UGGT2: variants seen among roughly 807,000 people sequenced by gnomAD.
UGGT2 encodes UDP-glucose glycoprotein glucosyltransferase 2.
Under a neutral mutation model 192.1 loss-of-function variants are expected in UGGT2, and 180 were observed. That is an observed-to-expected ratio of 0.94 (90% CI 0.83 to 1.06). The LOEUF (loss-of-function observed/expected upper bound fraction) is 1.06. Ranked by LOEUF, UGGT2 falls within the 50% of genes least tolerant of loss-of-function variation. The probability of loss-of-function intolerance (pLI) is 0.00; values close to 1 mark genes in which losing one functional copy is unlikely to be tolerated. For synonymous variants in UGGT2, 580 were observed against 591.0 expected (o/e 0.98, Z 0.27); for missense variants, 1,849 against 1,795.7 (o/e 1.03, Z -0.54).
At chr13:96,009,191 C>T (rs969668420) in intron 5 of UGGT2, among the ~76,000 whole-genome samples, 6 of 152,096 alleles carry the variant, frequency 3.9e-5, no homozygotes, top group Non-Finnish European at 7.4e-5. Context: ...AAAATCAACT[C>T]AAAATGGATT....
chr13:96,021,358 C>T (rs1485221884), intron 4 of UGGT2, among the ~76,000 whole-genome samples: 1 of 152,034 alleles, frequency 6.6e-6, no homozygotes, highest in Non-Finnish European at 1.5e-5. Context: ...CATCAGAAAC[C>T]AATGACAATA....
At chr13:95,843,698 T>C (rs1473433432) in intron 36 of UGGT2, among the ~76,000 whole-genome samples, 4 of 152,096 alleles carry the variant, frequency 2.6e-5, no homozygotes, top group African/African-American at 7.2e-5. Context: ...GATATCTAAT[T>C]GTTCCAGCAC....
intron 9 of UGGT2, chr13:95,985,188 CG>C (rs781293365): frequency 3.7e-5 from 31 of 844,556 alleles, no homozygotes; most frequent in Non-Finnish European, 4.8e-5. Context: ...ATTTTTATAA[CG>C]GCCATTAATT....
intron 1 of UGGT2, among the ~76,000 whole-genome samples, chr13:96,034,003 T>G (rs1039075152): frequency 1.3e-5 from 2 of 152,178 alleles, no homozygotes; most frequent in Non-Finnish European, 2.9e-5. Context: ...ACCTCTTCCA[T>G]GGACTGCAGT....
chr13:95,950,650 A>T (rs1376877438), intron 12 of UGGT2, among the ~76,000 whole-genome samples: 1 of 151,686 alleles, frequency 6.6e-6, no homozygotes, highest in Non-Finnish European at 1.5e-5. Flanking sequence ...AGGACTTTAA[A>T]ATAACTATCA....
chr13:95,908,552 C>T (rs1304186040), intron 20 of UGGT2, among the ~76,000 whole-genome samples: 1 of 152,152 alleles, frequency 6.6e-6, no homozygotes, highest in African/African-American at 2.4e-5. Context: ...GAACTAGTTA[C>T]AGTCCCACCA....
At chr13:95,968,040 T>C (rs991026023) in intron 12 of UGGT2, among the ~76,000 whole-genome samples, 44 of 152,250 alleles carry the variant, frequency 2.9e-4, no homozygotes, top group African/African-American at 9.6e-4. Context: ...CACACAACAC[T>C]TTTATTTCCT....
At chr13:95,877,021 T>C in intron 29 of UGGT2, 1 of 293,478 alleles carries the variant, frequency 3.4e-6, no homozygotes, top group Non-Finnish European at 6.3e-6. Flanking sequence ...ATAGCTGAAG[T>C]TACAGGTGTG....
intron 1 of UGGT2, among the ~76,000 whole-genome samples, chr13:96,050,944 A>G (rs1250442747): frequency 4.6e-5 from 7 of 152,210 alleles, no homozygotes; most frequent in Non-Finnish European, 8.8e-5. Context: ...AGGATGTAGG[A>G]CTAGAAATAC....
intron 20 of UGGT2, among the ~76,000 whole-genome samples, chr13:95,923,906 G>A (rs930820350): frequency 1.5e-4 from 23 of 152,060 alleles, no homozygotes; most frequent in Non-Finnish European, 2.9e-4. Context: ...TTGATTTTAT[G>A]TACTTCCGAT....
intron 36 of UGGT2, among the ~76,000 whole-genome samples, chr13:95,846,999 G>T (rs1888529475): frequency 6.7e-6 from 1 of 149,680 alleles, no homozygotes; most frequent in Non-Finnish European, 1.5e-5. Flanking sequence ...TTTTCTCAAA[G>T]AACCAGCTTT....
chr13:95,977,085 A>C (rs2140828809), intron 10 of UGGT2, among the ~76,000 whole-genome samples: 1 of 152,312 alleles, frequency 6.6e-6, no homozygotes, highest in Non-Finnish European at 1.5e-5. Context: ...AAAACCTAAA[A>C]CCATAAAAAT....
chr13:96,007,353 CAG>C (rs1594560205), intron 5 of UGGT2, among the ~76,000 whole-genome samples: 3 of 151,970 alleles, frequency 2.0e-5, no homozygotes, highest in Admixed American at 1.3e-4. Context: ...CATATGGAAA[CAG>C]GGAATAATTG....
At chr13:95,841,580 A>G (rs765066733) in intron 36 of UGGT2, among the ~76,000 whole-genome samples, 1 of 152,102 alleles carries the variant, frequency 6.6e-6, no homozygotes, top group Non-Finnish European at 1.5e-5. Flanking sequence ...GGAGTTCTTT[A>G]TATGTTCTGG....
chr13:95,924,270 T>C (rs1980942), intron 20 of UGGT2, among the ~76,000 whole-genome samples: 53,782 of 151,628 alleles, frequency 0.35, 10,328 homozygotes, highest in East Asian at 0.47. Context: ...GCTAGACACA[T>C]TGAAACAACT....
chr13:95,873,390 G>C (rs1025830219), intron 29 of UGGT2, among the ~76,000 whole-genome samples: 1 of 152,154 alleles, frequency 6.6e-6, no homozygotes, highest in African/African-American at 2.4e-5. Flanking sequence ...TATTTGTAAT[G>C]GGAATGACAC....
intron 38 of UGGT2, among the ~76,000 whole-genome samples, chr13:95,831,026 G>A (rs1416056304): frequency 6.6e-6 from 1 of 152,004 alleles, no homozygotes; most frequent in East Asian, 1.9e-4. Flanking sequence ...ACTATCACAA[G>A]GACAGAAAAC....
chr13:95,955,023 G>T (rs939765659), intron 12 of UGGT2, among the ~76,000 whole-genome samples: 1 of 152,220 alleles, frequency 6.6e-6, no homozygotes, highest in Non-Finnish European at 1.5e-5. Flanking sequence ...TTACAAGAAA[G>T]TAGAGGGCAT....
chr13:95,896,139 A>T (rs757249552), intron 22 of UGGT2, among the ~76,000 whole-genome samples: 5 of 152,074 alleles, frequency 3.3e-5, no homozygotes, highest in African/African-American at 4.8e-5. Context: ...ATCAGAAAAC[A>T]CGTCAACCAG....
Sources: gnomAD v4.1 joint callset for allele counts (sites outside exome capture counted in the v4.1 genomes callset) on GRCh38, gnomAD v4.1.1 for gene constraint, MANE v1.5 for transcripts, NCBI Gene and HGNC (gene_info 2026-07-23, HGNC 2026-07-21) for gene names.